Variants in LRRK1 observed in about 807,000 individuals in gnomAD.
LRRK1 encodes leucine-rich repeat serine/threonine-protein kinase 1.
Under a neutral mutation model 209.1 loss-of-function variants are expected in LRRK1, and 113 were observed. The observed-to-expected ratio is 0.54, with a 90% CI of 0.46 to 0.63. LRRK1 has a LOEUF of 0.63. Ranked by LOEUF, LRRK1 falls within the 30% of genes least tolerant of loss-of-function variation. LRRK1 has a pLI of 0.00. For missense variants in LRRK1, 2,284 were observed against 2,632.2 expected, an observed-to-expected ratio of 0.87 and a Z score of 2.89; for synonymous variants, 1,144 against 1,099.7, an observed-to-expected ratio of 1.04 and a Z score of -0.80.
At chr15:100,975,027 A>C (rs1433871597) in intron 3 of LRRK1, among the ~76,000 whole-genome samples, 1 of 152,226 alleles carries the variant, frequency 6.6e-6, no homozygotes, top group Non-Finnish European at 1.5e-5. Flanking sequence ...AGATTGGGAG[A>C]GGGGCAGTAC....
intron 23 of LRRK1, 85 bp from the exon 24 acceptor site, chr15:101,051,626 C>T: frequency 6.5e-7 from 1 of 1,528,470 alleles, no homozygotes; most frequent in Admixed American, 1.9e-5. Flanking sequence ...GCGAAGGCCT[C>T]AGGGCCTGGG....
intron 11 of LRRK1, 134 bp downstream of exon 11, chr15:101,014,562 C>T: frequency 3.0e-6 from 2 of 672,908 alleles, no homozygotes; most frequent in Non-Finnish European, 5.2e-6. Flanking sequence ...CAACAGAAAT[C>T]ACTGCCTCAC....
chr15:101,038,426 G>A (rs981425712), intron 20 of LRRK1, among the ~76,000 whole-genome samples: 4 of 152,174 alleles, frequency 2.6e-5, no homozygotes, highest in Non-Finnish European at 5.9e-5. Context: ...AGGTCTCAGA[G>A]AGTGTGAGAC....
At position 101,056,993 on chromosome 15, in the gene LRRK1, G is replaced by A. The variant is rs776348952; in HGVS notation, c.4470G>A (p.Val1490=). Residue 1490 remains valine, a synonymous_variant, in exon 28 of 34, where the codon GTG becomes GTA. Coordinates refer to ENST00000388948, the MANE Select transcript of LRRK1 (RefSeq NM_024652.6). ...CGGTTCTGGGGCAGCCGGAGGAAGT[G>A]CAGTTCCGGCGACTGCAGGCGCTCA... ...IRPVLGQPEE[V]QFRRLQALMM... 6.8e-6 allele frequency: 11 copies of A among 1,614,016 alleles called. No homozygotes were observed. Among genetic ancestry groups the A allele is most frequent in the Non-Finnish European group, 9.3e-6 (11 of 1,179,946 alleles).
intron 6 of LRRK1, among the ~76,000 whole-genome samples, chr15:100,993,624 G>A (rs1412509445): frequency 6.6e-6 from 1 of 152,118 alleles, no homozygotes; most frequent in Non-Finnish European, 1.5e-5. Context: ...CCTTGGATAA[G>A]TTTTCCCAGA....
At chr15:100,960,431 CTG>C (rs931029571) in intron 2 of LRRK1, among the ~76,000 whole-genome samples, 7 of 152,076 alleles carry the variant, frequency 4.6e-5, no homozygotes, top group Non-Finnish European at 7.4e-5. Flanking sequence ...GTAGGACTGA[CTG>C]TGTGTGTGTG....
At chr15:100,999,535 G>C (rs1337019390) in intron 6 of LRRK1, among the ~76,000 whole-genome samples, 1 of 152,146 alleles carries the variant, frequency 6.6e-6, no homozygotes, top group Non-Finnish European at 1.5e-5. Context: ...ATCCATGTGC[G>C]TACATGTAAT....
rs762151054 is a variant in LRRK1 at position 101,022,340 on chromosome 15, A to C, written c.1853-43A>C. 29 of 1,568,488 alleles carry C rather than the reference A, an allele frequency of 1.8e-5. No homozygotes were observed. In the Middle Eastern group the frequency reaches 1.0e-3, roughly 54 times the overall value. On this transcript the variant is annotated intron_variant, in intron 14 of 33. Coordinates refer to ENST00000388948, the MANE Select transcript of LRRK1 (RefSeq NM_024652.6). The surrounding 1 kb of genome is among the most constrained non-coding windows in gnomAD (Gnocchi z 4.0). ...ATTTTGTGTCCTAAGAGATGTGAGC[A>C]TGTGCCCACGCAGCTACCCTTCCCC...
chr15:100,988,662 C>T lies in LRRK1; in HGVS notation c.462C>T (p.Asn154=). Residue 154 remains asparagine, a synonymous_variant, in exon 5 of 34, where the codon AAC becomes AAT. Coordinates refer to ENST00000388948, the MANE Select transcript of LRRK1 (RefSeq NM_024652.6). ...CCTGCAGTCCCCAGCGGCTTCTGAACTGGATGCTGGCCTTGGCTTGCCAGC... is the reference window on the plus strand; with the variant it reads ...CCTGCAGTCCCCAGCGGCTTCTGAATTGGATGCTGGCCTTGGCTTGCCAGC... ...PGPCSPQRLL[N]WMLALACQRG... is the part of the protein sequence containing the mutation. The T allele has an allele frequency of 6.2e-7, 1 of 1,614,224 alleles. No homozygotes were observed. Among genetic ancestry groups the T allele is most frequent in the Non-Finnish European group, 8.5e-7 (1 of 1,180,048 alleles).
intron 12 of LRRK1, among the ~76,000 whole-genome samples, chr15:101,017,639 T>C (rs990479507): frequency 6.6e-6 from 1 of 152,100 alleles, no homozygotes; most frequent in Non-Finnish European, 1.5e-5. Flanking sequence ...GCCCTCCTTA[T>C]GAGAATCTAA....
chr15:100,972,361 A>AGTGTGTGT (rs1282794235), intron 2 of LRRK1, among the ~76,000 whole-genome samples: 30 of 84,022 alleles, frequency 3.6e-4, no homozygotes, highest in African/African-American at 1.6e-3. Flanking sequence ...AGAGAGAGAG[A>AGTGTGTGT]GAGTGTGTGT....
chr15:100,940,204 G>GCTCT (rs147527161), intron 2 of LRRK1, among the ~76,000 whole-genome samples: 1 of 150,020 alleles, frequency 6.7e-6, no homozygotes, highest in African/African-American at 2.4e-5. Flanking sequence ...CACATGTCCT[G>GCTCT]CTCTCTCTCT....
chr15:100,999,920 G>A (rs536900521), intron 6 of LRRK1, among the ~76,000 whole-genome samples: 3 of 152,316 alleles, frequency 2.0e-5, no homozygotes, highest in Non-Finnish European at 4.4e-5. Context: ...TATCTTGTAA[G>A]TTATTTTTGT....
At position 101,065,386 on chromosome 15, in the gene LRRK1, G is replaced by C; in HGVS notation, c.4949G>C (p.Gly1650Ala). The C allele has an allele frequency of 6.2e-7, 1 of 1,614,078 alleles. No homozygotes were observed. Among genetic ancestry groups the C allele is most frequent in the Non-Finnish European group, 8.5e-7 (1 of 1,180,030 alleles). The change falls in exon 32 of 34, where the codon GGG becomes GCG. Residue 1650 changes from glycine to alanine, a missense_variant. Coordinates refer to ENST00000388948, the MANE Select transcript of LRRK1 (RefSeq NM_024652.6). ...CTGGTCTTAGCGGGCCTCGCCGATG[G>C]GCTTGTGGCTGTGTTTCCCGTGGTG... ...SYLVLAGLAD[G>A]LVAVFPVVRG...
intron 2 of LRRK1, among the ~76,000 whole-genome samples, chr15:100,956,455 C>CTTTTTCTTTTTTTTTTTTTTTTTTTT: frequency 1.7e-5 from 1 of 60,534 alleles, no homozygotes; most frequent in African/African-American, 8.5e-5. Context: ...TTTTTTTTTT[C>CTTTTTCTTTTTTTTTTTTTTTTTTTT]TTTTTTTTTT....
chr15:100,939,874 G>A (rs376724913), intron 2 of LRRK1, among the ~76,000 whole-genome samples: 39 of 152,248 alleles, frequency 2.6e-4, no homozygotes, highest in African/African-American at 9.1e-4. Context: ...GGCCAATGAA[G>A]GTGGGGTTTT....
rs1356215573 is a variant in LRRK1, at chr15:101,022,608, G to A, written c.2067+11G>A. On this transcript the variant is annotated intron_variant, in intron 15 of 33. Coordinates refer to ENST00000388948, the MANE Select transcript of LRRK1 (RefSeq NM_024652.6). The surrounding 1 kb of genome is among the most constrained non-coding windows in gnomAD (Gnocchi z 4.0). ...GGCTCGAGAGCCAAGGTCAAGGATG[G>A]TCTGCGTGCAGAGTCCCTGTGGGTG... is the stretch of plus-strand genomic sequence containing the variant. 4.4e-6 allele frequency: 7 copies of A among 1,583,812 alleles called. No individual in the cohort carries two copies. The highest frequency in any genetic ancestry group is 1.7e-4 in the Middle Eastern group (1 of 5,812).
chr15:101,061,044 A>C, intron 29 of LRRK1, 127 bp from the exon 30 acceptor site: 1 of 731,544 alleles, frequency 1.4e-6, no homozygotes, highest in South Asian at 1.6e-5. Context: ...CCCTCTCAGA[A>C]CACAGGATGC....
chr15:101,023,126 C>T (rs1308342891), intron 15 of LRRK1, among the ~76,000 whole-genome samples: 1 of 152,140 alleles, frequency 6.6e-6, no homozygotes, highest in Non-Finnish European at 1.5e-5. Flanking sequence ...GCATCTGCCC[C>T]CTGATGAGGA....
Sources: allele counts gnomAD v4.1 joint callset (sites outside exome capture counted in the v4.1 genomes callset), GRCh38; gene constraint gnomAD v4.1.1; non-coding constraint Gnocchi (gnomAD v3.1); transcripts MANE v1.5; gene names NCBI Gene and HGNC (gene_info 2026-07-23, HGNC 2026-07-21).